FNTB: variants seen among roughly 807,000 people sequenced by gnomAD.
FNTB encodes the protein farnesyltransferase, CAAX box, subunit beta, also known as protein farnesyltransferase subunit beta.
Under a neutral mutation model 59.4 loss-of-function variants are expected in FNTB, and 27 were observed. The ratio of observed to expected loss-of-function variants is 0.45; its 90% CI spans 0.34 to 0.63. The LOEUF (loss-of-function observed/expected upper bound fraction) is 0.63, where lower values mean the gene tolerates loss of function less well. FNTB is among the 20% of genes least tolerant of loss of function. The probability of loss-of-function intolerance (pLI) is 0.02; values close to 1 mark genes in which losing one functional copy is unlikely to be tolerated. For missense variants in FNTB, 449 were observed against 559.6 expected, an observed-to-expected ratio of 0.80 and a Z score of 1.99; for synonymous variants, 230 against 220.7, an observed-to-expected ratio of 1.04 and a Z score of -0.37.
intron 8 of FNTB, 142 bp downstream of exon 8, chr14:65,041,061 G>A (rs1453488660): frequency 7.3e-7 from 1 of 1,378,090 alleles, no homozygotes; most frequent in Non-Finnish European, 9.7e-7. Flanking sequence ...GAAGGAGTGA[G>A]CAGCTGCTCT....
At chr14:65,019,069 A>AT (rs2061836470) in intron 4 of FNTB, among the ~76,000 whole-genome samples, 8 of 152,198 alleles carry the variant, frequency 5.3e-5, no homozygotes, top group Admixed American at 4.6e-4. Flanking sequence ...CCTACTCAGG[A>AT]GGCTGAGGCA....
At position 64,994,518 on chromosome 14, in the gene FNTB, T is replaced by C. The variant is rs1041750583; in HGVS notation, c.144+7421T>C. Among the ~76,000 whole-genome samples, 4 of 152,214 alleles carry C rather than the reference T, an allele frequency of 2.6e-5. No homozygotes were observed. Among genetic ancestry groups the C allele is most frequent in the African/African-American group, 9.7e-5 (4 of 41,446 alleles). ...AGCTTGTTGCTCCTAGGCTACAGGC[T>C]ACAAACCTACACAGTATGTTACTGT... On this transcript the variant is annotated intron_variant, in intron 1 of 11. Transcript: ENST00000246166. The surrounding 1 kb of genome is among the most constrained non-coding windows in gnomAD (Gnocchi z 4.2).
At chr14:65,056,846 T>TAAAG (rs1308808764) in intron 11 of FNTB, among the ~76,000 whole-genome samples, 1 of 152,226 alleles carries the variant, frequency 6.6e-6, no homozygotes, top group Non-Finnish European at 1.5e-5. Flanking sequence ...AGGTAATGTA[T>TAAAG]AAAGACAAGA....
At chr14:64,992,521 G>A (rs1220888260) in intron 1 of FNTB, among the ~76,000 whole-genome samples, 2 of 152,070 alleles carry the variant, frequency 1.3e-5, no homozygotes, top group East Asian at 1.9e-4. Flanking sequence ...GTGGATTTCC[G>A]GACCACATGT....
At chr14:65,041,558 C>G (rs919751532) in intron 8 of FNTB, among the ~76,000 whole-genome samples, 6 of 152,182 alleles carry the variant, frequency 3.9e-5, no homozygotes, top group African/African-American at 2.4e-5. Context: ...CATGTACCCC[C>G]TGACCATGAC....
intron 10 of FNTB, among the ~76,000 whole-genome samples, chr14:65,053,638 A>AAAAAAAAAAAAC (rs1250310907): frequency 6.6e-6 from 1 of 152,142 alleles, no homozygotes; most frequent in African/African-American, 2.4e-5. Context: ...AAAAAAACAA[A>AAAAAAAAAAAAC]AAAAAACTGA....
At chr14:65,045,517 G>A (rs917420789) in intron 9 of FNTB, among the ~76,000 whole-genome samples, 3 of 148,540 alleles carry the variant, frequency 2.0e-5, no homozygotes, top group African/African-American at 7.4e-5. Flanking sequence ...CCAGGTTCAA[G>A]CAATTCTCCT....
Position 65,014,234 on chromosome 14 carries a change from T to C in FNTB, c.283-1391T>C, listed in dbSNP as rs766887621. Among the ~76,000 whole-genome samples the C allele has an allele frequency of 6.6e-6, 1 of 152,228 alleles. No homozygotes were observed. The highest frequency in any genetic ancestry group is 1.5e-5 in the Non-Finnish European group (1 of 68,030). On this transcript the variant is annotated intron_variant, in intron 3 of 11. Transcript: ENST00000246166. This position sits in a 1 kb window ranked among gnomAD's most constrained non-coding sequence, Gnocchi z 5.1. ...TTAATTTATAAAACTGGGGCAGTACTCCTACCTACCCTGCCTAGCCTTGAA... is the reference window on the plus strand; with the variant it reads ...TTAATTTATAAAACTGGGGCAGTACCCCTACCTACCCTGCCTAGCCTTGAA...
chr14:64,993,262 TA>T (rs1190474350), intron 1 of FNTB, among the ~76,000 whole-genome samples: 3 of 152,116 alleles, frequency 2.0e-5, no homozygotes, highest in Non-Finnish European at 4.4e-5. Flanking sequence ...ACTCCATCTC[TA>T]AAAAAAGTAA....
At chr14:65,046,067 C>T (rs895252937) in intron 9 of FNTB, among the ~76,000 whole-genome samples, 2 of 152,154 alleles carry the variant, frequency 1.3e-5, no homozygotes, top group African/African-American at 4.8e-5. Context: ...ACCTCTGCCC[C>T]CTGGGTTCAA....
chr14:65,039,307 G>A (rs2139618875), intron 7 of FNTB, among the ~76,000 whole-genome samples: 1 of 152,264 alleles, frequency 6.6e-6, no homozygotes, highest in East Asian at 1.9e-4. Flanking sequence ...TGGGGCTGGG[G>A]GTATTGTGTT....
rs776606620 is a variant in FNTB at position 65,001,126 on chromosome 14, G to A, written c.145-3123G>A. ...TACCTCACATAACTCAGACTGCTCT[G>A]AGCTATTTTTCTTTTCTCGATTGCA... On this transcript the variant is annotated intron_variant, in intron 1 of 11. Coordinates refer to ENST00000246166, the MANE Select transcript of FNTB (RefSeq NM_002028.4). This position sits in a 1 kb window ranked among gnomAD's most constrained non-coding sequence, Gnocchi z 5.5. Among the ~76,000 whole-genome samples the A allele has an allele frequency of 6.6e-6, 1 of 152,106 alleles. No individual in the cohort carries two copies. Among genetic ancestry groups the A allele is most frequent in the Non-Finnish European group, 1.5e-5 (1 of 68,024 alleles).
intron 11 of FNTB, among the ~76,000 whole-genome samples, chr14:65,055,487 C>G (rs780376382): frequency 6.6e-6 from 1 of 151,934 alleles, no homozygotes; most frequent in South Asian, 2.1e-4. Context: ...TGTAACCTTC[C>G]TTTTTTGTTT....
Position 65,061,291 on chromosome 14 carries a change from G to T in FNTB, c.1293G>T (p.Ser431=). ...PGFEELKDET[S]AEPATD ...TTGAGGAGCTTAAGGATGAGACATC[G>T]GCAGAGCCTGCAACCGACTAGAGGA... Residue 431 remains serine (S), a synonymous_variant, in exon 12 of 12, where the codon TCG becomes TCT. Transcript: ENST00000246166. 1 of 1,613,930 alleles carries T rather than the reference G, an allele frequency of 6.2e-7. No homozygotes were observed. The highest frequency in any genetic ancestry group is 8.5e-7 in the Non-Finnish European group (1 of 1,179,994).
chr14:65,034,949 G>T (rs1262361638), intron 7 of FNTB, among the ~76,000 whole-genome samples: 1 of 152,236 alleles, frequency 6.6e-6, no homozygotes, highest in Non-Finnish European at 1.5e-5. Context: ...TTAGCAGGCA[G>T]TCAACTTGGT....
At position 65,041,724 on chromosome 14, in the gene FNTB, CTCCCCCGGTGTAG is replaced by C. The variant is rs796343450; in HGVS notation, c.822+808_822+820del. 6.6e-5 allele frequency among the ~76,000 whole-genome samples: 10 copies of C among 152,304 alleles called. 1 individual carries two copies. Among genetic ancestry groups the C allele is most frequent in the African/African-American group, 2.2e-4 (9 of 41,570 alleles). On this transcript the variant is annotated intron_variant, in intron 8 of 11. Transcript: ENST00000246166. ...TGTCTTGCCTCCACCTTCAGAAAGC[CTCCCCCGGTGTAG>C]TCTTTTTAAAGATTCATGAAGGCTT... is the stretch of plus-strand genomic sequence containing the variant.
chr14:64,988,308 C>G (rs749327176), intron 1 of FNTB, among the ~76,000 whole-genome samples: 14 of 152,142 alleles, frequency 9.2e-5, no homozygotes, highest in Non-Finnish European at 1.8e-4. Flanking sequence ...GGAAGGCTGA[C>G]TGCAAAAGAT....
At chr14:65,052,042 C>G (rs932890643) in intron 9 of FNTB, among the ~76,000 whole-genome samples, 1 of 152,016 alleles carries the variant, frequency 6.6e-6, no homozygotes, top group Admixed American at 6.6e-5. Context: ...TGATCAACCC[C>G]CCTCAGCCTC....
At chr14:65,055,103 T>C (rs923277948) in intron 11 of FNTB, among the ~76,000 whole-genome samples, 3 of 152,254 alleles carry the variant, frequency 2.0e-5, no homozygotes, top group African/African-American at 7.2e-5. Flanking sequence ...AGATGCCATC[T>C]CTTCAGAGAA....
Sources: gnomAD v4.1 joint callset for allele counts (sites outside exome capture counted in the v4.1 genomes callset) on GRCh38, gnomAD v4.1.1 for gene constraint, Gnocchi (gnomAD v3.1) non-coding constraint, MANE v1.5 for transcripts, NCBI Gene and HGNC (gene_info 2026-07-23, HGNC 2026-07-21) for gene names.